NEDD9: variants seen among roughly 807,000 people sequenced by gnomAD.
NEDD9 encodes neural precursor cell expressed, developmentally down-regulated 9, also known as enhancer of filamentation 1.
A neutral mutation model predicts 76.6 loss-of-function variants in NEDD9; 26 were observed. The ratio of observed to expected loss-of-function variants is 0.34; its 90% confidence interval spans 0.25 to 0.47. NEDD9 has a LOEUF of 0.47. Ranked by LOEUF, NEDD9 falls within the 20% of genes least tolerant of loss-of-function variation. NEDD9 has a pLI of 1.00. For missense variants in NEDD9, 937 were observed against 1,058.5 expected, an observed-to-expected ratio of 0.89 and a Z score of 1.59; for synonymous variants, 392 against 414.2, an observed-to-expected ratio of 0.95 and a Z score of 0.65.
intron 1 of NEDD9, among the ~76,000 whole-genome samples, chr6:11,341,644 C>T (rs1173628639): frequency 3.3e-5 from 5 of 152,216 alleles, no homozygotes; most frequent in African/African-American, 1.2e-4. Flanking sequence ...TCAATAGCCA[C>T]ATGTGGCCAG....
At chr6:11,250,083 G>A (rs546995845) in intron 3 of NEDD9, among the ~76,000 whole-genome samples, 4 of 152,328 alleles carry the variant, frequency 2.6e-5, no homozygotes, top group Non-Finnish European at 1.5e-5. Context: ...ATGGCTGGCT[G>A]TGGCCAAAGA....
At chr6:11,211,991 T>C (rs1183004553) in intron 2 of NEDD9, among the ~76,000 whole-genome samples, 1 of 146,830 alleles carries the variant, frequency 6.8e-6, no homozygotes, top group Non-Finnish European at 1.5e-5. Context: ...TCTTTCCATG[T>C]ACCCAAAAAT....
At chr6:11,231,831 T>G (rs1370647170) in intron 1 of NEDD9, among the ~76,000 whole-genome samples, 2 of 150,900 alleles carry the variant, frequency 1.3e-5, no homozygotes, top group Non-Finnish European at 2.9e-5. Context: ...TATGACACTC[T>G]GTAAGCTTTC....
At chr6:11,326,894 A>G (rs567221356) in intron 2 of NEDD9, among the ~76,000 whole-genome samples, 1 of 152,368 alleles carries the variant, frequency 6.6e-6, no homozygotes, top group South Asian at 2.1e-4. Flanking sequence ...AAAACATAAG[A>G]GATGCATTCA....
rs780993452 is a variant in NEDD9 at position 11,192,440 on chromosome 6, C to T, written c.568G>A (p.Asp190Asn). The T allele has an allele frequency of 4.3e-6, 7 of 1,609,474 alleles. No homozygotes were observed. Among genetic ancestry groups the T allele is most frequent in the Middle Eastern group, 1.7e-4 (1 of 6,058 alleles). ...CCTTTTGCTGATGAGGGAGGGATGTCGTATACCTGAAGAGAAACCCGTGAG... is the reference window on the plus strand; with the variant it reads ...CCTTTTGCTGATGAGGGAGGGATGTTGTATACCTGAAGAGAAACCCGTGAG... ...PPSHTTQGVYDIPPSSAKGPV... is the reference protein window; with the variant it reads ...PPSHTTQGVYNIPPSSAKGPV... The change falls in exon 4 of 7, where the codon GAC becomes AAC. Residue 190 changes from aspartate to asparagine, a missense_variant. Asp to Asn is a conservative substitution (Grantham distance 23). Transcript: ENST00000379446.
intron 3 of NEDD9, among the ~76,000 whole-genome samples, chr6:11,292,533 C>T (rs982509533): frequency 5.9e-5 from 9 of 152,154 alleles, no homozygotes; most frequent in Admixed American, 3.9e-4. Flanking sequence ...CAGGACACTT[C>T]GTCTTTGAAT....
intron 3 of NEDD9, among the ~76,000 whole-genome samples, chr6:11,295,368 A>T (rs1760867240): frequency 1.3e-5 from 2 of 152,184 alleles, no homozygotes; most frequent in Non-Finnish European, 2.9e-5. Flanking sequence ...CCCATTCTGT[A>T]GGGTGCGAGA....
chr6:11,238,977 T>C (rs145772841), intron 3 of NEDD9, among the ~76,000 whole-genome samples: 10 of 152,220 alleles, frequency 6.6e-5, no homozygotes, highest in African/African-American at 1.7e-4. Context: ...CTGGGCAATA[T>C]AGCAAGACTC....
intron 1 of NEDD9, among the ~76,000 whole-genome samples, chr6:11,337,394 A>G (rs572422246): frequency 6.6e-6 from 1 of 152,322 alleles, no homozygotes; most frequent in Admixed American, 6.5e-5. Flanking sequence ...ACTATCATCA[A>G]ATATTATAGA....
chr6:11,199,680 A>G (rs1468389981), intron 2 of NEDD9: 4 of 52,982 alleles, frequency 7.5e-5, no homozygotes, highest in Admixed American at 3.0e-4. Context: ...TTTTTTTTTG[A>G]GACAGAGTCT....
At chr6:11,327,306 A>T (rs1453941553) in intron 2 of NEDD9, among the ~76,000 whole-genome samples, 1 of 152,180 alleles carries the variant, frequency 6.6e-6, no homozygotes, top group African/African-American at 2.4e-5. Flanking sequence ...TCAATTAGGT[A>T]CTGAGTGATA....
rs764848271 is a variant in NEDD9, at chr6:11,213,540, A to G, written c.200T>C (p.Met67Thr). Residue 67 changes from methionine (M) to threonine (T), a missense_variant, in exon 2 of 7, where the codon ATG becomes ACG. Physicochemically the swap from Met to Thr is moderately conservative, Grantham distance 81 (BLOSUM62 -1). Coordinates refer to ENST00000379446, the MANE Select transcript of NEDD9 (RefSeq NM_006403.4). This position sits in a 1 kb window ranked among gnomAD's most constrained non-coding sequence, Gnocchi z 5.4. Reference sequence around the variant, plus strand: ...CTCGTGACTGGAGGCAGTCTCCTGCATGGGACCAATCAGAAGCTTCACCCG... The same window carrying G: ...CTCGTGACTGGAGGCAGTCTCCTGCGTGGGACCAATCAGAAGCTTCACCCG... ...GNRVKLLIGP[M>T]QETASSHEQP... The G allele has an allele frequency of 6.8e-6, 11 of 1,614,048 alleles. No homozygotes were observed. The highest frequency in any genetic ancestry group is 3.3e-5 in the South Asian group (3 of 91,082).
chr6:11,230,066 A>T (rs936229191), intron 1 of NEDD9, among the ~76,000 whole-genome samples: 4 of 152,248 alleles, frequency 2.6e-5, no homozygotes, highest in Non-Finnish European at 5.9e-5. Flanking sequence ...TTTAGAGATA[A>T]TTCCTGTCTC....
At chr6:11,306,412 A>G (rs1761185887) in intron 2 of NEDD9, among the ~76,000 whole-genome samples, 1 of 152,206 alleles carries the variant, frequency 6.6e-6, no homozygotes, top group African/African-American at 2.4e-5. Context: ...ACAAACAAAA[A>G]TACAGCACAA....
chr6:11,346,397 C>A (rs575501039), intron 1 of NEDD9, among the ~76,000 whole-genome samples: 1 of 152,194 alleles, frequency 6.6e-6, no homozygotes, highest in South Asian at 2.1e-4. Flanking sequence ...TCAAGACCCA[C>A]CCAAAAGAGC....
chr6:11,313,320 C>T lies in NEDD9; in HGVS notation c.-152-7165G>A, dbSNP rs530049857. 1.4e-4 allele frequency among the ~76,000 whole-genome samples: 20 copies of T among 146,814 alleles called. 1 individual carries two copies. Among genetic ancestry groups the T allele is most frequent in the East Asian group, 1.0e-3 (5 of 4,830 alleles). On this transcript the variant is annotated intron_variant, in intron 2 of 3. Coordinates refer to the NEDD9 transcript ENST00000397378. ...TTGAATGGATGGGTGGATTAATGAA[C>T]GGATGGATGGGTGGATAGATAGTGG...
At position 11,190,562 on chromosome 6, in the gene NEDD9, C is replaced by A; in HGVS notation, c.1307G>T (p.Arg436Leu). The A allele has an allele frequency of 1.2e-6, 2 of 1,614,162 alleles. No homozygotes were observed. The highest frequency in any genetic ancestry group is 1.7e-6 in the Non-Finnish European group (2 of 1,180,028). ...GTGTCTTTCCATATATCCGTAACAC[C>A]GCCAGTCGGTAGTGACCAGTGCCAT... is the stretch of plus-strand genomic sequence containing the variant. Reference protein sequence around the residue: ...SLMALVTTDWRCYGYMERHIN... With the variant: ...SLMALVTTDWLCYGYMERHIN... The change falls in exon 5 of 7, where the codon CGG (arginine) becomes CTG (leucine). Residue 436 changes from arginine to leucine, a missense_variant. Coordinates refer to ENST00000379446, the MANE Select transcript of NEDD9 (RefSeq NM_006403.4). The surrounding 1 kb of genome is among the most constrained non-coding windows in gnomAD (Gnocchi z 5.8).
At chr6:11,260,914 G>A (rs998289613) in intron 3 of NEDD9, among the ~76,000 whole-genome samples, 1 of 152,096 alleles carries the variant, frequency 6.6e-6, no homozygotes, top group Non-Finnish European at 1.5e-5. Flanking sequence ...GTGTGTGTGT[G>A]TGTGTGTTGT....
chr6:11,285,835 C>G (rs551753635), intron 3 of NEDD9, among the ~76,000 whole-genome samples: 1 of 152,140 alleles, frequency 6.6e-6, no homozygotes, highest in African/African-American at 2.4e-5. Flanking sequence ...CAGTTCATAT[C>G]TTTCATTATA....
Sources: allele counts gnomAD v4.1 joint callset (sites outside exome capture counted in the v4.1 genomes callset), GRCh38; gene constraint gnomAD v4.1.1; non-coding constraint Gnocchi (gnomAD v3.1); transcripts MANE v1.5; gene names NCBI Gene and HGNC (gene_info 2026-07-23, HGNC 2026-07-21).